BAZ2A: variants seen among roughly 807,000 people sequenced by gnomAD.
The protein encoded by BAZ2A is bromodomain adjacent to zinc finger domain protein 2A.
Under a neutral mutation model 199.9 loss-of-function variants are expected in BAZ2A, and 34 were observed. That is an observed-to-expected ratio of 0.17 (90% confidence interval 0.13 to 0.23). The LOEUF is 0.23. Among genes scored for constraint, BAZ2A ranks in the 10% least tolerant of loss-of-function variants. BAZ2A has a pLI of 1.00. For synonymous variants in BAZ2A, 857 were observed against 883.9 expected, an observed-to-expected ratio of 0.97 and a Z score of 0.54; for missense variants, 2,002 against 2,391.1, an observed-to-expected ratio of 0.84 and a Z score of 3.39.
At chr12:56,602,640 C>G in intron 19 of BAZ2A, 73 bp downstream of exon 19, 1 of 1,552,870 alleles carries the variant, frequency 6.4e-7, no homozygotes, top group Non-Finnish European at 8.8e-7. Flanking sequence ...AAGCCCAAGA[C>G]TACTAAGGAA....
intron 1 of BAZ2A, among the ~76,000 whole-genome samples, chr12:56,617,787 C>A (rs1592603603): frequency 6.6e-6 from 1 of 152,124 alleles, no homozygotes; most frequent in African/African-American, 2.4e-5. Context: ...GCGAGAAAAA[C>A]CAAGATACAA....
intron 1 of BAZ2A, chr12:56,636,069 TTCCTC>T: frequency 7.6e-7 from 1 of 1,313,898 alleles, no homozygotes; most frequent in South Asian, 1.3e-5. Context: ...AGAGTCCTGT[TTCCTC>T]TCCTTCAGCC....
intron 1 of BAZ2A, among the ~76,000 whole-genome samples, chr12:56,620,519 A>G (rs1565831700): frequency 1.3e-5 from 2 of 151,716 alleles, no homozygotes; most frequent in Non-Finnish European, 2.9e-5. Flanking sequence ...AAAACAAAAC[A>G]AAACAAACAA....
chr12:56,608,831 A>C (rs1950457677), intron 10 of BAZ2A, among the ~76,000 whole-genome samples: 1 of 146,460 alleles, frequency 6.8e-6, no homozygotes, highest in Non-Finnish European at 1.5e-5. Flanking sequence ...AGTCTCCCAA[A>C]GTGGTGGGAT....
chr12:56,630,072 G>A, intron 1 of BAZ2A, 53 bp downstream of exon 1: 1 of 939,542 alleles, frequency 1.1e-6, no homozygotes. Context: ...GGAAGCCTCG[G>A]ATGAAAGCGG....
intron 1 of BAZ2A, among the ~76,000 whole-genome samples, chr12:56,624,959 A>G (rs908594775): frequency 2.0e-5 from 3 of 152,126 alleles, no homozygotes; most frequent in African/African-American, 7.2e-5. Context: ...TTAACTGAAC[A>G]CTTGAGGCAT....
rs765892607 is a variant in BAZ2A at position 56,597,410 on chromosome 12, AGAGAGACACAGCC to A, written c.*1195_*1207del. The A allele has an allele frequency of 1.0e-4, 16 of 152,476 alleles. No individual in the cohort carries two copies. The highest frequency in any genetic ancestry group is 2.2e-4 in the Non-Finnish European group (15 of 68,024). 9.4% of individuals were successfully genotyped at this position (152,476 alleles called of 1,614,324 possible). ...AGAGGCTGGAACAAAAATGACCAGG[AGAGAGACACAGCC>A]TTGTCTCCAGAGAAATTGTTCCTGT... is the stretch of plus-strand genomic sequence containing the variant. On this transcript the variant is annotated 3_prime_UTR_variant, in exon 29 of 29. Coordinates refer to ENST00000549884, the MANE Select transcript of BAZ2A (RefSeq NM_001300905.2).
At chr12:56,634,189 T>A (rs1472158629), upstream of BAZ2A, among the ~76,000 whole-genome samples, 4 of 152,188 alleles carry the variant, frequency 2.6e-5, no homozygotes, top group Admixed American at 6.5e-5. Flanking sequence ...CAGAGAAGAC[T>A]GGACTTCTCT....
rs753855406 is a variant in BAZ2A at position 56,610,159 on chromosome 12, G to A, written c.1836C>T (p.Pro612=). The A allele has an allele frequency of 2.5e-6, 4 of 1,613,796 alleles. No homozygotes were observed. The highest frequency in any genetic ancestry group is 2.2e-5 in the East Asian group (1 of 44,896). ...CAAAGAAATCTCCAACAGGCATACG[G>A]GGACTGAAGCTGAAGTGCTCTCGGC... The part of the protein sequence containing the change: ...SVRREHFSFS[P]RMPVGDFFEE... Residue 612 remains proline, a synonymous_variant, in exon 9 of 29, where the codon CCC becomes CCT. Transcript: ENST00000549884.
rs1299191210 is a variant in BAZ2A at position 56,604,254 on chromosome 12, T to C, written c.3001A>G (p.Arg1001Gly). The C allele has an allele frequency of 1.9e-6, 3 of 1,609,010 alleles. No individual in the cohort carries two copies. Residue 1001 changes from arginine (R) to glycine (G), a missense_variant, in exon 16 of 29, where the codon AGG (arginine) becomes GGG (glycine). Coordinates refer to ENST00000549884, the MANE Select transcript of BAZ2A (RefSeq NM_001300905.2). The part of the protein sequence containing the change: ...DKTLESMSSY[R>G]KNKWIVEGRL... ...CCTTCAACAATCCACTTGTTTTTCC[T>C]GTAGCTGGACATACTCTCCAGAGTC...
intron 3 of BAZ2A, 29 bp from the exon 4 acceptor site, chr12:56,614,167 C>A (rs1033746438): frequency 3.7e-6 from 6 of 1,601,342 alleles, no homozygotes; most frequent in South Asian, 2.2e-5. Context: ...GACCAAAAGT[C>A]AAAATCAGTG....
intron 1 of BAZ2A, among the ~76,000 whole-genome samples, chr12:56,624,084 TAAA>T (rs61664495): frequency 3.0e-5 from 4 of 132,250 alleles, no homozygotes; most frequent in Non-Finnish European, 3.3e-5. Context: ...ATCTCTACAC[TAAA>T]AAAAAAAAAA....
intron 19 of BAZ2A, among the ~76,000 whole-genome samples, chr12:56,602,402 T>C (rs1214508842): frequency 6.6e-6 from 1 of 152,222 alleles, no homozygotes; most frequent in East Asian, 1.9e-4. Flanking sequence ...AGCACAATCA[T>C]AAGCTAACAT....
At chr12:56,620,599 G>A (rs1950889416) in intron 1 of BAZ2A, among the ~76,000 whole-genome samples, 1 of 146,742 alleles carries the variant, frequency 6.8e-6, no homozygotes, top group African/African-American at 2.7e-5. Flanking sequence ...CCCTCTTGTT[G>A]CCCATGCTGG....
chr12:56,601,714 T>A lies in BAZ2A; in HGVS notation c.3903A>T (p.Gln1301His), dbSNP rs771053461. ...CATCAGGCTCTGGCTCCTCCGGGGGTTGTGATGGAGCTGGGTCTAGTTTTC... is the reference window on the plus strand; with the variant it reads ...CATCAGGCTCTGGCTCCTCCGGGGGATGTGATGGAGCTGGGTCTAGTTTTC... Reference protein sequence around the residue: ...SPGKLDPAPSQPPEEPEPDEA... With the variant: ...SPGKLDPAPSHPPEEPEPDEA... The change falls in exon 20 of 29, where the codon CAA becomes CAT. Residue 1301 changes from glutamine to histidine, a missense_variant. Gln to His is a conservative substitution (Grantham distance 24). Around this residue, in one of 6 missense-constraint regions of BAZ2A, gnomAD observed 1,081 missense variants for 1,274.7 expected, o/e 0.85. Coordinates refer to ENST00000549884, the MANE Select transcript of BAZ2A (RefSeq NM_001300905.2). 5.3e-5 allele frequency: 85 copies of A among 1,613,314 alleles called. No individual in the cohort carries two copies. Among genetic ancestry groups the A allele is most frequent in the Non-Finnish European group, 7.0e-5 (83 of 1,179,760 alleles).
At chr12:56,599,104 T>TC in intron 27 of BAZ2A, 25 bp downstream of exon 27, 3 of 1,600,638 alleles carry the variant, frequency 1.9e-6, no homozygotes. Context: ...GAGCCAACTG[T>TC]CCCCCCAGGA....
intron 1 of BAZ2A, among the ~76,000 whole-genome samples, chr12:56,622,874 G>A (rs1009147714): frequency 3.9e-5 from 6 of 152,130 alleles, no homozygotes; most frequent in African/African-American, 9.7e-5. Flanking sequence ...CCACAGGGCC[G>A]AATAGGTTGC....
Position 56,609,731 on chromosome 12 carries a change from T to C in BAZ2A, c.2092+5A>G, listed in dbSNP as rs778930080. ...AGAATCCCAAAGTAAGAAATACCACTGTACCTTGGGCCTCCAGTTTCTTTA... is the reference window on the plus strand; with the variant it reads ...AGAATCCCAAAGTAAGAAATACCACCGTACCTTGGGCCTCCAGTTTCTTTA... On this transcript the variant is annotated splice_donor_5th_base_variant and intron_variant, in intron 10 of 28. Transcript: ENST00000549884. The C allele has an allele frequency of 4.3e-5, 70 of 1,612,450 alleles. No individual in the cohort carries two copies. Among genetic ancestry groups the C allele is most frequent in the Non-Finnish European group, 5.2e-5 (61 of 1,179,054 alleles).
intron 14 of BAZ2A, 106 bp downstream of exon 14, chr12:56,604,967 G>A: frequency 7.0e-7 from 1 of 1,434,528 alleles, no homozygotes; most frequent in East Asian, 2.3e-5. Context: ...AATAAGGAGA[G>A]GAGTCAGGAA....
Sources: allele counts gnomAD v4.1 joint callset (sites outside exome capture counted in the v4.1 genomes callset), GRCh38; gene constraint gnomAD v4.1.1; regional missense constraint gnomAD v4.1.1; transcripts MANE v1.5; gene names NCBI Gene and HGNC (gene_info 2026-07-23, HGNC 2026-07-21).